TMEM63C: variants seen among roughly 807,000 people sequenced by gnomAD.
TMEM63C encodes transmembrane protein 63C, also known as osmosensitive cation channel TMEM63C.
TMEM63C carries 32 observed loss-of-function variants against 99.2 expected under a neutral mutation model. The ratio of observed to expected loss-of-function variants is 0.32; its 90% CI spans 0.24 to 0.43. TMEM63C has a LOEUF of 0.43. Among genes scored for constraint, TMEM63C ranks in the 20% least tolerant of loss-of-function variants. The pLI is 1.00. For synonymous variants in TMEM63C, 376 were observed against 397.9 expected (o/e 0.94, Z 0.66); for missense variants, 826 against 1,053.0 (o/e 0.78, Z 2.98).
intron 1 of TMEM63C, among the ~76,000 whole-genome samples, chr14:77,205,441 A>G (rs972505650): frequency 6.6e-6 from 1 of 152,160 alleles, no homozygotes; most frequent in Admixed American, 6.5e-5. Context: ...AACACATCTC[A>G]TCCTCTTTAG....
chr14:77,246,550 C>G (rs955516688), intron 17 of TMEM63C, 59 bp from the exon 18 acceptor site: 85 of 1,469,538 alleles, frequency 5.8e-5, no homozygotes, highest in Non-Finnish European at 7.6e-5. Flanking sequence ...GATGGTTGAA[C>G]CCTCAGCCTT....
chr14:77,239,866 C>G (rs905570969), intron 12 of TMEM63C, 140 bp downstream of exon 12: 8 of 1,236,992 alleles, frequency 6.5e-6, no homozygotes, highest in Non-Finnish European at 3.3e-6. Flanking sequence ...TCCTTCCTCC[C>G]CATCCACCAT....
intron 5 of TMEM63C, among the ~76,000 whole-genome samples, chr14:77,221,918 G>C (rs1888730839): frequency 6.6e-6 from 1 of 151,628 alleles, no homozygotes; most frequent in African/African-American, 2.4e-5. Context: ...TTTTCCTTCT[G>C]CCTCTCTGTC....
chr14:77,246,857 G>A (rs1379026386), intron 18 of TMEM63C, among the ~76,000 whole-genome samples, 183 bp downstream of exon 18: 1 of 152,178 alleles, frequency 6.6e-6, no homozygotes, highest in East Asian at 1.9e-4. Context: ...ATCTAGTTAA[G>A]CCCAGGGACC....
chr14:77,215,614 A>AAAAG (rs1555347251), intron 2 of TMEM63C, among the ~76,000 whole-genome samples: 17 of 76,548 alleles, frequency 2.2e-4, no homozygotes, highest in East Asian at 9.1e-4. Context: ...AAAAAAAAAA[A>AAAAG]AAAAGAAAAG....
intron 6 of TMEM63C, among the ~76,000 whole-genome samples, chr14:77,229,914 G>T (rs1392788902): frequency 1.3e-5 from 2 of 151,662 alleles, no homozygotes; most frequent in Non-Finnish European, 2.9e-5. Flanking sequence ...AAAATGTACA[G>T]CTCGGCCCGG....
chr14:77,231,482 AC>A, intron 6 of TMEM63C, 105 bp from the exon 7 acceptor site: 22 of 1,248,754 alleles, frequency 1.8e-5, no homozygotes, highest in Non-Finnish European at 2.0e-5. Context: ...AAAAAAAAAA[AC>A]TTGGGGAGGG....
chr14:77,208,368 A>G (rs939206731), intron 1 of TMEM63C, among the ~76,000 whole-genome samples: 1 of 152,156 alleles, frequency 6.6e-6, no homozygotes, highest in South Asian at 2.1e-4. Flanking sequence ...AGCTTTTGCC[A>G]CAATTGCCTC....
Position 77,188,818 on chromosome 14 carries a change from A to G in TMEM63C, c.-77+6924A>G, listed in dbSNP as rs146850873. ...GAGTTTGAGGTTTCAGTGAGCTATG[A>G]TTGTGCCACTGCACTATAGCCTGGG... On this transcript the variant is annotated intron_variant, in intron 1 of 23. Transcript: ENST00000298351. Among the ~76,000 whole-genome samples, 559 of 151,744 alleles carry G rather than the reference A, an allele frequency of 3.7e-3. 6 individuals carry two copies. Among genetic ancestry groups the G allele is most frequent in the African/African-American group, 0.013 (521 of 41,304 alleles).
intron 8 of TMEM63C, among the ~76,000 whole-genome samples, chr14:77,234,104 T>A (rs1888994138): frequency 1.3e-5 from 2 of 152,274 alleles, no homozygotes; most frequent in Non-Finnish European, 2.9e-5. Flanking sequence ...GGAGGCCATA[T>A]CAATTTGCCC....
intron 1 of TMEM63C, among the ~76,000 whole-genome samples, chr14:77,204,075 CAG>C (rs930271065): frequency 2.9e-4 from 44 of 152,372 alleles, no homozygotes; most frequent in African/African-American, 1.0e-3. Context: ...CCCTGCAAAA[CAG>C]GAGCTGAGCT....
In TMEM63C at chr14:77,219,988, C is replaced by G. The variant is rs200471121; in HGVS notation, c.231-18C>G. 6.4e-7 allele frequency: 1 copy of G among 1,553,612 alleles called. No individual in the cohort carries two copies. The highest frequency in any genetic ancestry group is 2.0e-5 in the Admixed American group (1 of 51,228). Reference sequence around the variant, plus strand: ...TTTCTCTCCTTTCTTACCTCCCTGCCCCTTCCCTGGCTGGCAGCCTGACCT... The same window carrying G: ...TTTCTCTCCTTTCTTACCTCCCTGCGCCTTCCCTGGCTGGCAGCCTGACCT... On this transcript the variant is annotated intron_variant, in intron 4 of 23. Transcript: ENST00000298351.
At chr14:77,246,092 C>T in intron 17 of TMEM63C, 66 bp downstream of exon 17, 3 of 1,264,842 alleles carry the variant, frequency 2.4e-6, no homozygotes. Flanking sequence ...CCTCCTCTTT[C>T]AGATACTGTA....
intron 6 of TMEM63C, among the ~76,000 whole-genome samples, chr14:77,228,540 CT>C (rs34337596): frequency 2.3e-3 from 342 of 145,760 alleles, no homozygotes; most frequent in Middle Eastern, 3.6e-3. Flanking sequence ...AAAAATAAAT[CT>C]TTTTTTTTTT....
chr14:77,220,605 A>G (rs1175805725), intron 5 of TMEM63C, among the ~76,000 whole-genome samples: 1 of 152,126 alleles, frequency 6.6e-6, no homozygotes, highest in Non-Finnish European at 1.5e-5. Context: ...GCTGTGTGCC[A>G]GCCACTGGTC....
chr14:77,191,385 A>C (rs532122941), intron 1 of TMEM63C, among the ~76,000 whole-genome samples: 4 of 152,248 alleles, frequency 2.6e-5, no homozygotes, highest in South Asian at 2.1e-4. Context: ...GGTGTGAGCT[A>C]TCCTGGAGAA....
chr14:77,203,721 T>C (rs937356464), intron 1 of TMEM63C, among the ~76,000 whole-genome samples: 3 of 152,240 alleles, frequency 2.0e-5, no homozygotes, highest in Non-Finnish European at 4.4e-5. Context: ...CAGTGCAGGG[T>C]GGCTCTATCT....
chr14:77,195,035 A>G (rs540136321), intron 1 of TMEM63C, among the ~76,000 whole-genome samples: 27 of 152,266 alleles, frequency 1.8e-4, no homozygotes, highest in African/African-American at 4.8e-4. Context: ...GAGAGGATCA[A>G]TTGAGCCCAG....
chr14:77,190,713 T>A (rs1888089853), intron 1 of TMEM63C, among the ~76,000 whole-genome samples: 1 of 152,254 alleles, frequency 6.6e-6, no homozygotes, highest in South Asian at 2.1e-4. Flanking sequence ...ATGCATTTGA[T>A]AAAATTCAAC....
Sources: gnomAD v4.1 joint callset for allele counts (sites outside exome capture counted in the v4.1 genomes callset) on GRCh38, gnomAD v4.1.1 for gene constraint, MANE v1.5 for transcripts, NCBI Gene and HGNC (gene_info 2026-07-23, HGNC 2026-07-21) for gene names.